PDE1A: variants seen among roughly 807,000 people sequenced by gnomAD.
PDE1A encodes the protein phosphodiesterase 1A, also known as dual specificity calcium/calmodulin-dependent 3',5'-cyclic nucleotide phosphodiesterase 1A.
Under a neutral mutation model 61.7 loss-of-function variants are expected in PDE1A, and 35 were observed. The ratio of observed to expected loss-of-function variants is 0.57; its 90% confidence interval spans 0.43 to 0.75. The LOEUF is 0.75. PDE1A is among the 30% of genes least tolerant of loss of function. The pLI is 0.00. For missense variants in PDE1A, 597 were observed against 630.6 expected (o/e 0.95, Z 0.57); for synonymous variants, 232 against 213.2 (o/e 1.09, Z -0.77).
intron 1 of PDE1A, among the ~76,000 whole-genome samples, chr2:182,352,225 C>G (rs1698923118): frequency 6.6e-6 from 1 of 152,204 alleles, no homozygotes; most frequent in Non-Finnish European, 1.5e-5. Context: ...AATGGGTTCC[C>G]AAGCCCAGTG....
At chr2:182,550,811 G>A in the PDE1A span, among the ~76,000 whole-genome samples, 1 of 152,156 alleles carries the variant, frequency 6.6e-6, no homozygotes, top group African/African-American at 2.4e-5. Flanking sequence ...CCTGTAGAGA[G>A]CATGAGAGTC....
chr2:182,437,358 T>G (rs1358147981), intron 2 of PDE1A, among the ~76,000 whole-genome samples: 1 of 151,962 alleles, frequency 6.6e-6, no homozygotes, highest in Non-Finnish European at 1.5e-5. Flanking sequence ...ACCGTAAAAA[T>G]AATTAATTGA....
chr2:182,636,628 C>A, the PDE1A span, among the ~76,000 whole-genome samples: 2 of 152,192 alleles, frequency 1.3e-5, no homozygotes, highest in Non-Finnish European at 2.9e-5. Context: ...GCAAAGCGAA[C>A]TTTCTCCCAT....
chr2:182,226,705 T>G (rs575589302), intron 6 of PDE1A, among the ~76,000 whole-genome samples: 1 of 149,938 alleles, frequency 6.7e-6, no homozygotes, highest in African/African-American at 2.5e-5. Context: ...AATCCAAGGT[T>G]CTTCTGATTC....
intron 1 of PDE1A, among the ~76,000 whole-genome samples, chr2:182,352,627 TA>T (rs947728831): frequency 2.7e-5 from 4 of 150,832 alleles, no homozygotes; most frequent in Non-Finnish European, 5.9e-5. Context: ...ACATCCAATT[TA>T]CTGGAAAGTG....
At chr2:182,569,273 A>ATATATATATATATATATATATATATG in the PDE1A span, among the ~76,000 whole-genome samples, 2 of 150,196 alleles carry the variant, frequency 1.3e-5, no homozygotes, top group African/African-American at 5.0e-5. Flanking sequence ...ATATATATAT[A>ATATATATATATATATATATATATATG]TATGTATTTC....
intron 2 of PDE1A, among the ~76,000 whole-genome samples, chr2:182,256,010 T>C (rs929763246): frequency 1.6e-4 from 24 of 148,490 alleles, no homozygotes; most frequent in Non-Finnish European, 3.0e-4. Context: ...TATTTCTCTC[T>C]TCCTAGATAA....
chr2:182,280,880 A>C (rs1275753685), intron 1 of PDE1A, among the ~76,000 whole-genome samples: 1 of 151,924 alleles, frequency 6.6e-6, no homozygotes, highest in Non-Finnish European at 1.5e-5. Context: ...AGGTGGCAGC[A>C]AGGTAAAAAC....
At chr2:182,611,838 T>C in the PDE1A span, among the ~76,000 whole-genome samples, 1 of 152,310 alleles carries the variant, frequency 6.6e-6, no homozygotes, top group East Asian at 1.9e-4. Context: ...TTGAAACTGA[T>C]GACCGGCTTT....
At chr2:182,254,469 TGAA>T (rs1442761219) in intron 2 of PDE1A, among the ~76,000 whole-genome samples, 9 of 152,316 alleles carry the variant, frequency 5.9e-5, no homozygotes, top group African/African-American at 2.2e-4. Flanking sequence ...GGAAATAATT[TGAA>T]GAATACAAGA....
At chr2:182,645,381 A>C in the PDE1A span, among the ~76,000 whole-genome samples, 1 of 152,232 alleles carries the variant, frequency 6.6e-6, no homozygotes, top group Non-Finnish European at 1.5e-5. Context: ...TCTTTCTAAT[A>C]AAATTGTCAC....
At chr2:182,498,900 G>T (rs1688899760) in intron 2 of PDE1A, among the ~76,000 whole-genome samples, 1 of 151,918 alleles carries the variant, frequency 6.6e-6, no homozygotes, top group African/African-American at 2.4e-5. Context: ...GCGGAAATGC[G>T]CCACTGCACT....
chr2:182,368,507 C>G (rs1699958945), intron 1 of PDE1A, among the ~76,000 whole-genome samples: 1 of 151,934 alleles, frequency 6.6e-6, no homozygotes, highest in Admixed American at 6.6e-5. Flanking sequence ...CTGATTTTCT[C>G]CTTATACTTC....
chr2:182,308,586 T>G (rs1039258241), intron 1 of PDE1A, among the ~76,000 whole-genome samples: 6 of 152,056 alleles, frequency 3.9e-5, no homozygotes, highest in Non-Finnish European at 8.8e-5. Flanking sequence ...AATAAAATGA[T>G]CTAGAAATTA....
chr2:182,686,202 T>A, the PDE1A span, among the ~76,000 whole-genome samples: 5 of 152,010 alleles, frequency 3.3e-5, no homozygotes. Flanking sequence ...ATAACAAAAA[T>A]GAAAAAAATC....
At chr2:182,439,494 T>C (rs1684654318) in intron 2 of PDE1A, among the ~76,000 whole-genome samples, 2 of 152,006 alleles carry the variant, frequency 1.3e-5, no homozygotes, top group East Asian at 1.9e-4. Context: ...GAGGAGAAGT[T>C]TGTCCTACAA....
At chr2:182,481,910 T>C (rs538830647) in intron 2 of PDE1A, among the ~76,000 whole-genome samples, 2 of 152,022 alleles carry the variant, frequency 1.3e-5, no homozygotes, top group South Asian at 4.1e-4. Flanking sequence ...TGAACTTGGG[T>C]TTGAATCAGC....
At chr2:182,381,584 C>T (rs752964014) in intron 1 of PDE1A, among the ~76,000 whole-genome samples, 7 of 152,170 alleles carry the variant, frequency 4.6e-5, no homozygotes, top group Non-Finnish European at 8.8e-5. Flanking sequence ...GAGGCGGAGG[C>T]GAGCAGATCA....
chr2:182,225,679 G>T (rs1452149005), intron 6 of PDE1A, among the ~76,000 whole-genome samples: 1 of 150,608 alleles, frequency 6.6e-6, no homozygotes, highest in East Asian at 1.9e-4. Context: ...GAAGTTTTGG[G>T]TTAATGTATG....
Sources: allele counts gnomAD v4.1 joint callset (sites outside exome capture counted in the v4.1 genomes callset), GRCh38; gene constraint gnomAD v4.1.1; transcripts MANE v1.5; gene names NCBI Gene and HGNC (gene_info 2026-07-23, HGNC 2026-07-21).